Variants in ZNF469 observed in about 807,000 individuals in gnomAD.
The protein encoded by ZNF469 is zinc finger protein 469.
In ZNF469, 1 loss-of-function variant was observed where a neutral mutation model predicts 1.0. The observed-to-expected ratio is 1.00, with a 90% CI of 0.35 to 4.73. The LOEUF (loss-of-function observed/expected upper bound fraction) is 4.73, where lower values mean the gene tolerates loss of function less well. Ranked by LOEUF, ZNF469 falls within the 30% of genes most tolerant of loss-of-function variation. The pLI is 0.16. For missense variants in ZNF469, 6,100 were observed against 5,356.3 expected, an observed-to-expected ratio of 1.14 and a Z score of -4.33; for synonymous variants, 2,703 against 2,363.4, an observed-to-expected ratio of 1.14 and a Z score of -4.17.
chr16:88,407,826 T>G (rs1177036603), intron 1 of ZNF469, among the ~76,000 whole-genome samples: 1 of 152,270 alleles, frequency 6.6e-6, no homozygotes, highest in African/African-American at 2.4e-5. Context: ...GCCCTGCTGG[T>G]GCCCACTCTG....
intron 1 of ZNF469, among the ~76,000 whole-genome samples, chr16:88,386,090 T>TTCCCCATCTTCTTCCCAGCGCCC (rs2092536206): frequency 6.6e-6 from 1 of 152,150 alleles, no homozygotes; most frequent in Non-Finnish European, 1.5e-5. Context: ...GGACTCTGCC[T>TTCCCCATCTTCTTCCCAGCGCCC]TCCCCATCTT....
the ZNF469 span, among the ~76,000 whole-genome samples, chr16:88,169,158 C>T: frequency 2.6e-5 from 4 of 152,092 alleles, no homozygotes; most frequent in African/African-American, 7.2e-5. The surrounding 1 kb of genome is among the most constrained non-coding windows in gnomAD (Gnocchi z 6.1). Context: ...GGGCCCAGCT[C>T]ACGCATGACT....
At chr16:88,135,154 G>A in the ZNF469 span, among the ~76,000 whole-genome samples, 18 of 152,242 alleles carry the variant, frequency 1.2e-4, no homozygotes, top group Admixed American at 4.6e-4. Flanking sequence ...ATTGGCCTGC[G>A]GACCCGAGCA....
At chr16:88,146,916 G>A in the ZNF469 span, among the ~76,000 whole-genome samples, 20,205 of 151,836 alleles carry the variant, frequency 0.13, 1,671 homozygotes, top group East Asian at 0.27. Context: ...CTTCCAGCAC[G>A]GTACAGCGTG....
chr16:88,369,820 C>T, the ZNF469 span, among the ~76,000 whole-genome samples: 1 of 152,210 alleles, frequency 6.6e-6, no homozygotes, highest in Non-Finnish European at 1.5e-5. Context: ...CCCGCGACCC[C>T]CAGCCCCAGC....
chr16:88,193,072 G>GTGGTGA, the ZNF469 span, among the ~76,000 whole-genome samples: 1 of 108,924 alleles, frequency 9.2e-6, no homozygotes, highest in Admixed American at 8.6e-5. Flanking sequence ...GGTGATGGTG[G>GTGGTGA]TGGTGGTGAT....
At chr16:88,335,907 C>G in the ZNF469 span, among the ~76,000 whole-genome samples, 1 of 151,710 alleles carries the variant, frequency 6.6e-6, no homozygotes, top group African/African-American at 2.4e-5. Context: ...CACTAACATG[C>G]CAATACCATG....
the ZNF469 span, among the ~76,000 whole-genome samples, chr16:88,370,501 C>T: frequency 6.6e-6 from 1 of 152,128 alleles, no homozygotes; most frequent in African/African-American, 2.4e-5. Context: ...GAACCTTGGA[C>T]GATCGGCTAA....
the ZNF469 span, among the ~76,000 whole-genome samples, chr16:88,376,632 C>G: frequency 1.3e-5 from 2 of 152,360 alleles, no homozygotes; most frequent in East Asian, 3.9e-4. Flanking sequence ...TGAAGGTCTG[C>G]GAGGGCTGAG....
chr16:88,226,722 C>A, the ZNF469 span, among the ~76,000 whole-genome samples: 2 of 151,266 alleles, frequency 1.3e-5, no homozygotes, highest in African/African-American at 2.4e-5. Context: ...CAGGAGGGCC[C>A]GAAACAGGCC....
chr16:88,163,308 T>C, the ZNF469 span, among the ~76,000 whole-genome samples: 68 of 6,274 alleles, frequency 0.011, 25 homozygotes, highest in African/African-American at 0.066. Flanking sequence ...GATGGGTAGA[T>C]GGATGGATGG....
chr16:88,143,163 C>T, the ZNF469 span, among the ~76,000 whole-genome samples: 2 of 152,206 alleles, frequency 1.3e-5, no homozygotes, highest in Non-Finnish European at 2.9e-5. Context: ...GCCCTGCCCA[C>T]GGAATGCCCA....
chr16:88,112,177 GC>G, the ZNF469 span, among the ~76,000 whole-genome samples: 1 of 150,898 alleles, frequency 6.6e-6, no homozygotes, highest in South Asian at 2.1e-4. Flanking sequence ...GTTGGCTAAC[GC>G]CTGAATCCCA....
chr16:88,434,627 G>A lies in ZNF469; in HGVS notation c.7157G>A (p.Gly2386Glu), dbSNP rs766801309. ...GAGGACCCAGGGACCCCTGAGACCG[G>A]GCGCTCTGGTGCTACCAAGATGCCC... ...EPEDPGTPET[G>E]RSGATKMPRV... Residue 2386 changes from glycine to glutamate, a missense_variant, in exon 3 of 3, where the codon GGG becomes GAG. Gly to Glu is a moderately conservative substitution (Grantham distance 98). Coordinates refer to ENST00000565624, the MANE Select transcript of ZNF469 (RefSeq NM_001367624.2). The A allele has an allele frequency of 5.8e-6, 9 of 1,550,110 alleles. No homozygotes were observed. The highest frequency in any genetic ancestry group is 2.4e-5 in the South Asian group (2 of 84,056).
At position 88,389,140 on chromosome 16, in the gene ZNF469, A is replaced by G. The variant is rs116687000; in HGVS notation, c.-192+5886A>G. 5.5e-3 allele frequency among the ~76,000 whole-genome samples: 844 copies of G among 152,320 alleles called. 5 individuals carry two copies. The highest frequency in any genetic ancestry group is 0.019 in the African/African-American group (788 of 41,572). On this transcript the variant is annotated intron_variant, in intron 1 of 2. Coordinates refer to ENST00000565624, the MANE Select transcript of ZNF469 (RefSeq NM_001367624.2). ...TTCTAGAACGTTTTTATCACCCCAA[A>G]AAAAACCCTGTGCCCATGAAGAAGT...
chr16:88,399,582 A>G (rs976457201), intron 1 of ZNF469, among the ~76,000 whole-genome samples: 1 of 152,212 alleles, frequency 6.6e-6, no homozygotes, highest in Non-Finnish European at 1.5e-5. Context: ...ACCTTGTCAC[A>G]AGAGCCAGAA....
At chr16:88,181,097 C>A in the ZNF469 span, among the ~76,000 whole-genome samples, 2 of 147,172 alleles carry the variant, frequency 1.4e-5, no homozygotes, top group Non-Finnish European at 3.0e-5. Context: ...TTTTGAGACG[C>A]AGTCTCGCTG....
chr16:88,288,583 T>C, the ZNF469 span, among the ~76,000 whole-genome samples: 1 of 152,182 alleles, frequency 6.6e-6, no homozygotes, highest in Non-Finnish European at 1.5e-5. Context: ...CTATGTGTGT[T>C]TGAGGAATTC....
intron 1 of ZNF469, among the ~76,000 whole-genome samples, chr16:88,393,574 G>A (rs1318038592): frequency 1.3e-5 from 2 of 152,360 alleles, no homozygotes; most frequent in Admixed American, 6.5e-5. Flanking sequence ...AGGAAAGAGC[G>A]GGAGTGGGTT....
Sources: gnomAD v4.1 joint callset for allele counts (sites outside exome capture counted in the v4.1 genomes callset) on GRCh38, gnomAD v4.1.1 for gene constraint, Gnocchi (gnomAD v3.1) non-coding constraint, MANE v1.5 for transcripts, NCBI Gene and HGNC (gene_info 2026-07-23, HGNC 2026-07-21) for gene names.